UNC13B: variants seen among roughly 807,000 people sequenced by gnomAD.
The protein encoded by UNC13B is protein unc-13 homolog B.
In UNC13B, 144 loss-of-function variants were observed where a neutral mutation model predicts 211.0. That is an observed-to-expected ratio of 0.68 (90% CI 0.60 to 0.78). The LOEUF is 0.78. Among genes scored for constraint, UNC13B ranks in the 30% least tolerant of loss-of-function variants. The pLI is 0.00. For synonymous variants in UNC13B, 709 were observed against 725.8 expected (o/e 0.98, Z 0.37); for missense variants, 1,777 against 2,002.0 (o/e 0.89, Z 2.14).
rs1323035210 is a variant in UNC13B, at chr9:35,249,182, G to A, written c.468+5818G>A. On this transcript the variant is annotated intron_variant, in intron 6 of 39. Transcript: ENST00000635942. Reference sequence around the variant, plus strand: ...ATCAGAGACTAGGATTGCAACCCCTGCCTTTTTTTGTTTTCCTTTTGCTTG... The same window carrying A: ...ATCAGAGACTAGGATTGCAACCCCTACCTTTTTTTGTTTTCCTTTTGCTTG... Among the ~76,000 whole-genome samples, 9 of 152,222 alleles carry A rather than the reference G, an allele frequency of 5.9e-5. No homozygotes were observed. The South Asian group carries it at 1.2e-3, about 21-fold the overall frequency.
chr9:35,364,978 A>G (rs191908958), intron 11 of UNC13B, among the ~76,000 whole-genome samples: 4 of 152,196 alleles, frequency 2.6e-5, no homozygotes, highest in Non-Finnish European at 5.9e-5. Context: ...CCCAGCACGC[A>G]TGTGTACTTT....
At chr9:35,351,663 T>C (rs1832728163) in intron 11 of UNC13B, 1 of 1,232,250 alleles carries the variant, frequency 8.1e-7, no homozygotes, top group Non-Finnish European at 1.0e-6. Flanking sequence ...GCTGGATCCT[T>C]ACCAGAGGAC....
At chr9:35,293,068 T>G (rs1419060326) in intron 7 of UNC13B, among the ~76,000 whole-genome samples, 1 of 152,246 alleles carries the variant, frequency 6.6e-6, no homozygotes, top group Non-Finnish European at 1.5e-5. Flanking sequence ...TGGAGGTGAT[T>G]GCCTCTCACT....
Position 35,400,348 on chromosome 9 carries a change from G to C in UNC13B, c.12389G>C (p.Ser4130Thr). Residue 4130 changes from serine to threonine, a missense_variant, in exon 37 of 40, where the codon AGC (serine) becomes ACC (threonine). Coordinates refer to ENST00000635942, the MANE Select transcript of UNC13B (RefSeq NM_001371189.2). ...CTGAAGAAAACCTTCCTGGAGAAGA[G>C]CCCAGATCTGCAGTCTCTACGCTAT... The part of the protein sequence containing the change: ...NGLKKTFLEK[S>T]PDLQSLRYAL... The C allele has an allele frequency of 6.2e-7, 1 of 1,614,172 alleles. No homozygotes were observed. Among genetic ancestry groups the C allele is most frequent in the Non-Finnish European group, 8.5e-7 (1 of 1,180,012 alleles).
At chr9:35,297,333 C>A (rs150835499) in intron 8 of UNC13B, among the ~76,000 whole-genome samples, 1 of 152,080 alleles carries the variant, frequency 6.6e-6, no homozygotes, top group East Asian at 1.9e-4. Flanking sequence ...AAACGATACG[C>A]CTTCCTCTGC....
chr9:35,176,546 TCAAA>T (rs1174975137), intron 1 of UNC13B, among the ~76,000 whole-genome samples: 1 of 151,932 alleles, frequency 6.6e-6, no homozygotes, highest in Non-Finnish European at 1.5e-5. Flanking sequence ...AGAGTTTGTC[TCAAA>T]CAAACAAACC....
At chr9:35,346,315 A>C (rs1832355078) in intron 11 of UNC13B, among the ~76,000 whole-genome samples, 1 of 152,164 alleles carries the variant, frequency 6.6e-6, no homozygotes, top group Non-Finnish European at 1.5e-5. Flanking sequence ...GCCTTTTCCC[A>C]GAGGTCCCCT....
At chr9:35,267,576 G>A (rs1394441765) in intron 7 of UNC13B, among the ~76,000 whole-genome samples, 1 of 152,214 alleles carries the variant, frequency 6.6e-6, no homozygotes, top group Non-Finnish European at 1.5e-5. Context: ...ACTGAAGGAT[G>A]AATATGTCTT....
chr9:35,172,117 C>A (rs1821364819), intron 1 of UNC13B, among the ~76,000 whole-genome samples: 2 of 151,488 alleles, frequency 1.3e-5, no homozygotes, highest in East Asian at 3.9e-4. Flanking sequence ...TCAAGGCCTC[C>A]TCCTGCCTCC....
At chr9:35,251,535 C>T (rs1587469655) in intron 6 of UNC13B, among the ~76,000 whole-genome samples, 2 of 152,130 alleles carry the variant, frequency 1.3e-5, no homozygotes, top group African/African-American at 4.8e-5. Context: ...TACAGTGAGC[C>T]GAGATCACAT....
At chr9:35,186,302 C>T (rs894744882) in intron 1 of UNC13B, among the ~76,000 whole-genome samples, 11 of 152,106 alleles carry the variant, frequency 7.2e-5, no homozygotes, top group African/African-American at 2.7e-4. Flanking sequence ...TTTCACGGCT[C>T]CCTTATCTAA....
chr9:35,315,054 A>AAT (rs1260904160), intron 11 of UNC13B, among the ~76,000 whole-genome samples: 3 of 135,368 alleles, frequency 2.2e-5, no homozygotes, highest in African/African-American at 8.4e-5. Context: ...TTTAAAAAAA[A>AAT]TTTTTTTTTT....
Position 35,231,145 on chromosome 9 carries a change from G to A in UNC13B, c.78G>A (p.Leu26=). The A allele has an allele frequency of 6.2e-7, 1 of 1,612,786 alleles. No homozygotes were observed. Among genetic ancestry groups the A allele is most frequent in the Non-Finnish European group, 8.5e-7 (1 of 1,179,028 alleles). ...ATAAATTTAACACATATGTGACCCTGAAAGTACAGAATGTGAAGAGCACAA... is the reference window on the plus strand; with the variant it reads ...ATAAATTTAACACATATGTGACCCTAAAAGTACAGAATGTGAAGAGCACAA... ...SPDKFNTYVT[L]KVQNVKSTTV... The change falls in exon 3 of 40, where the codon CTG becomes CTA. Residue 26 remains leucine (L), a synonymous_variant. Coordinates refer to ENST00000635942, the MANE Select transcript of UNC13B (RefSeq NM_001371189.2).
intron 3 of UNC13B, among the ~76,000 whole-genome samples, chr9:35,235,147 A>G (rs1325038024): frequency 6.6e-6 from 1 of 152,178 alleles, no homozygotes; most frequent in Non-Finnish European, 1.5e-5. Flanking sequence ...TCAACCATGT[A>G]TGATACTGCT....
intron 1 of UNC13B, among the ~76,000 whole-genome samples, chr9:35,201,485 G>A (rs981467226): frequency 3.3e-5 from 5 of 152,110 alleles, no homozygotes; most frequent in African/African-American, 7.2e-5. Flanking sequence ...TTGGTTGGTA[G>A]GCTATTAATT....
intron 11 of UNC13B, chr9:35,351,250 C>A: frequency 9.1e-7 from 1 of 1,094,784 alleles, no homozygotes; most frequent in African/African-American, 1.6e-5. Context: ...TAAAATCATC[C>A]TGCTACTTTC....
chr9:35,223,061 G>A (rs775387594), intron 1 of UNC13B, among the ~76,000 whole-genome samples: 1 of 152,098 alleles, frequency 6.6e-6, no homozygotes. Context: ...GTATTCCATT[G>A]TATATATATA....
chr9:35,167,463 T>C (rs935755929), intron 1 of UNC13B, among the ~76,000 whole-genome samples: 1 of 152,202 alleles, frequency 6.6e-6, no homozygotes, highest in Admixed American at 6.5e-5. Flanking sequence ...TACCATTCTT[T>C]TGAATGGCTG....
chr9:35,353,151 T>G, intron 11 of UNC13B: 1 of 1,232,176 alleles, frequency 8.1e-7, no homozygotes, highest in Non-Finnish European at 1.0e-6. Context: ...ATGGTTCATA[T>G]TGACCTGAAT....
Sources: gnomAD v4.1 joint callset for allele counts (sites outside exome capture counted in the v4.1 genomes callset) on GRCh38, gnomAD v4.1.1 for gene constraint, MANE v1.5 for transcripts, NCBI Gene and HGNC (gene_info 2026-07-23, HGNC 2026-07-21) for gene names.